Variants in EML6 observed in about 807,000 individuals in gnomAD.
EML6 encodes the protein echinoderm microtubule-associated protein-like 6.
Under a neutral mutation model 240.1 loss-of-function variants are expected in EML6, and 154 were observed. That is an observed-to-expected ratio of 0.64 (90% confidence interval 0.56 to 0.73). The LOEUF (loss-of-function observed/expected upper bound fraction) is 0.73. Among genes scored for constraint, EML6 ranks in the 30% least tolerant of loss-of-function variants. EML6 has a pLI of 0.00. For synonymous variants in EML6, 1,148 were observed against 899.0 expected, an observed-to-expected ratio of 1.28 and a Z score of -4.95; for missense variants, 2,964 against 2,474.6, an observed-to-expected ratio of 1.20 and a Z score of -4.20.
intron 2 of EML6, among the ~76,000 whole-genome samples, chr2:54,729,768 C>T (rs1173646876): frequency 6.6e-6 from 1 of 152,220 alleles, no homozygotes; most frequent in Non-Finnish European, 1.5e-5. Context: ...CTCTGTTGGT[C>T]TATAAACCGT....
chr2:54,931,943 C>A (rs917923016), intron 28 of EML6, among the ~76,000 whole-genome samples: 3 of 152,200 alleles, frequency 2.0e-5, no homozygotes, highest in African/African-American at 7.2e-5. Context: ...TTTGAAGCAA[C>A]TGAATTCCTA....
chr2:54,968,607 G>C (rs939607116), intron 40 of EML6, 61 bp from the exon 41 acceptor site: 6 of 954,800 alleles, frequency 6.3e-6, no homozygotes, highest in South Asian at 2.8e-5. Context: ...GCTGGAAGTA[G>C]TCTGTGGTTG....
chr2:54,823,877 T>TC (rs59534860), intron 5 of EML6, among the ~76,000 whole-genome samples: 38,154 of 131,378 alleles, frequency 0.29, 6,865 homozygotes, highest in Admixed American at 0.39. Context: ...TCTCTCTCTC[T>TC]TTCTGTCTCT....
intron 28 of EML6, among the ~76,000 whole-genome samples, chr2:54,945,022 C>A (rs1431578686): frequency 1.8e-4 from 15 of 82,324 alleles, no homozygotes; most frequent in African/African-American, 6.5e-4. Context: ...CCCTACCCCC[C>A]TCCTTCCCTC....
chr2:54,765,412 T>G (rs912668206), intron 2 of EML6, among the ~76,000 whole-genome samples: 3 of 152,238 alleles, frequency 2.0e-5, no homozygotes, highest in Non-Finnish European at 4.4e-5. Flanking sequence ...TTGTTTACCC[T>G]CTTTTCCCTA....
intron 11 of EML6, among the ~76,000 whole-genome samples, chr2:54,855,467 CCG>C (rs1403903890): frequency 7.1e-6 from 1 of 141,340 alleles, no homozygotes; most frequent in Non-Finnish European, 1.5e-5. Context: ...TGCCCCCCCC[CCG>C]CCCTCTAATT....
At position 54,903,108 on chromosome 2, in the gene EML6, T is replaced by G. The variant is rs974529371; in HGVS notation, c.3189T>G (p.Ser1063Arg). 2 of 1,551,636 alleles carry G rather than the reference T, an allele frequency of 1.3e-6. No individual in the cohort carries two copies. The highest frequency in any genetic ancestry group is 1.7e-6 in the Non-Finnish European group (2 of 1,146,932). ...KALAVGLNDG[S>R]FLVVNADTVE... ...TAGCGGTTGGCTTGAACGATGGGAGTTTCCTGGTGGTAAATGCTGACACTG... is the reference window on the plus strand; with the variant it reads ...TAGCGGTTGGCTTGAACGATGGGAGGTTCCTGGTGGTAAATGCTGACACTG... Residue 1063 changes from serine (S) to arginine (R), a missense_variant, in exon 23 of 42, where the codon AGT becomes AGG. Physicochemically the swap from Ser to Arg is moderately radical, Grantham distance 110. Coordinates refer to ENST00000356458, the MANE Select transcript of EML6 (RefSeq NM_001039753.4).
At chr2:54,925,993 A>G (rs1655869648) in intron 26 of EML6, among the ~76,000 whole-genome samples, 1 of 152,226 alleles carries the variant, frequency 6.6e-6, no homozygotes, top group Non-Finnish European at 1.5e-5. Flanking sequence ...GGAAAATTTT[A>G]TAGACAGGGA....
rs1316380025 is a variant in EML6, at chr2:54,845,285, T to C, written c.1049+1037T>C. ...TGGTTATTTGGTTTATACTTCACTTTACTCACTTCTCCTTTTTTGTTTTTG... is the reference window on the plus strand; with the variant it reads ...TGGTTATTTGGTTTATACTTCACTTCACTCACTTCTCCTTTTTTGTTTTTG... On this transcript the variant is annotated intron_variant, in intron 8 of 41. Transcript: ENST00000356458. Among the ~76,000 whole-genome samples, 3 of 152,266 alleles carry C rather than the reference T, an allele frequency of 2.0e-5. No individual in the cohort carries two copies. The East Asian group carries it at 5.8e-4, about 29-fold the overall frequency.
intron 8 of EML6, among the ~76,000 whole-genome samples, chr2:54,846,766 G>A (rs1669781113): frequency 6.7e-6 from 1 of 149,670 alleles, no homozygotes; most frequent in Admixed American, 6.7e-5. Flanking sequence ...TTATAGGCAT[G>A]AGCCACTGTG....
chr2:54,851,552 G>A (rs900363343), intron 10 of EML6, among the ~76,000 whole-genome samples: 1 of 152,216 alleles, frequency 6.6e-6, no homozygotes, highest in Non-Finnish European at 1.5e-5. Context: ...CACTATAGTA[G>A]TCTGTATAAT....
chr2:54,960,676 C>G (rs975584570), intron 35 of EML6, among the ~76,000 whole-genome samples: 12 of 152,118 alleles, frequency 7.9e-5, no homozygotes, highest in Non-Finnish European at 7.3e-5. Context: ...AGATGATATC[C>G]TCATAAGCTC....
intron 26 of EML6, among the ~76,000 whole-genome samples, chr2:54,926,851 A>C (rs988089322): frequency 6.6e-6 from 1 of 151,762 alleles, no homozygotes; most frequent in Non-Finnish European, 1.5e-5. Flanking sequence ...TGTTTCCTTG[A>C]ACCTTTCTTT....
intron 11 of EML6, among the ~76,000 whole-genome samples, chr2:54,854,161 A>G (rs768202034): frequency 5.9e-5 from 9 of 152,358 alleles, no homozygotes; most frequent in African/African-American, 9.6e-5. Context: ...GTTTATATAT[A>G]GTCCGTTAAA....
intron 34 of EML6, among the ~76,000 whole-genome samples, 189 bp downstream of exon 34, chr2:54,959,450 G>A (rs1391038923): frequency 1.3e-5 from 2 of 152,162 alleles, no homozygotes; most frequent in Non-Finnish European, 2.9e-5. Flanking sequence ...GAGGAGTGCA[G>A]AGGTGGTTTG....
chr2:54,829,829 C>A (rs889251853), intron 7 of EML6, among the ~76,000 whole-genome samples: 3 of 152,104 alleles, frequency 2.0e-5, no homozygotes, highest in African/African-American at 2.4e-5. Flanking sequence ...AGAAATGAGA[C>A]AAATTTTGTT....
Position 54,853,674 on chromosome 2 carries a change from T to A in EML6, c.1476T>A (p.Ile492=), listed in dbSNP as rs1183622218. ...AGCCTTTAACAAGTAAAGAAGAAAT[T>A]AAAGGGATTCCTTGGGCCTCCTGGA... ...SGKPLTSKEE[I]KGIPWASWTC... The change falls in exon 11 of 42, where the codon ATT becomes ATA. Residue 492 remains isoleucine (I), a synonymous_variant. Coordinates refer to ENST00000356458, the MANE Select transcript of EML6 (RefSeq NM_001039753.4). 1.3e-6 allele frequency: 2 copies of A among 1,548,786 alleles called. No individual in the cohort carries two copies. The highest frequency in any genetic ancestry group is 3.9e-5 in the Admixed American group (2 of 50,700).
chr2:54,930,310 C>T (rs1674784736), intron 28 of EML6, among the ~76,000 whole-genome samples: 1 of 152,212 alleles, frequency 6.6e-6, no homozygotes, highest in African/African-American at 2.4e-5. Flanking sequence ...CAAGGCTCAC[C>T]TAATCCTCTT....
intron 28 of EML6, among the ~76,000 whole-genome samples, chr2:54,939,120 C>G (rs981774304): frequency 2.0e-5 from 3 of 152,238 alleles, no homozygotes; most frequent in African/African-American, 4.8e-5. Flanking sequence ...CATTTTCATT[C>G]TAGCCCATGG....
Sources: allele counts gnomAD v4.1 joint callset (sites outside exome capture counted in the v4.1 genomes callset), GRCh38; gene constraint gnomAD v4.1.1; transcripts MANE v1.5; gene names NCBI Gene and HGNC (gene_info 2026-07-23, HGNC 2026-07-21).